FRMD4A: variants seen among roughly 807,000 people sequenced by gnomAD.
FRMD4A encodes FERM domain-containing protein 4A.
Under a neutral mutation model 129.1 loss-of-function variants are expected in FRMD4A, and 29 were observed. The observed-to-expected ratio is 0.22, with a 90% CI of 0.17 to 0.31. FRMD4A has a LOEUF of 0.31. Among genes scored for constraint, FRMD4A ranks in the 10% least tolerant of loss-of-function variants. The pLI is 1.00. For synonymous variants in FRMD4A, 634 were observed against 571.6 expected (o/e 1.11, Z -1.56); for missense variants, 1,272 against 1,375.8 (o/e 0.92, Z 1.19).
At chr10:13,884,168 T>TTA (rs2094584254) in intron 2 of FRMD4A, among the ~76,000 whole-genome samples, 45 of 67,476 alleles carry the variant, frequency 6.7e-4, no homozygotes, top group African/African-American at 2.6e-3. Context: ...ACACACACAC[T>TTA]CACACACTCA....
At chr10:14,223,526 G>A (rs1843330844) in intron 2 of FRMD4A, among the ~76,000 whole-genome samples, 1 of 152,094 alleles carries the variant, frequency 6.6e-6, no homozygotes, top group Non-Finnish European at 1.5e-5. Context: ...AGGATCACTT[G>A]AGCCAAGAGT....
intron 2 of FRMD4A, among the ~76,000 whole-genome samples, chr10:14,090,798 C>T (rs1836616988): frequency 6.6e-6 from 1 of 152,184 alleles, no homozygotes; most frequent in African/African-American, 2.4e-5. Flanking sequence ...AAGAGAAGTA[C>T]ACAAATGAAG....
At chr10:14,329,604 G>A (rs1288934582) in intron 2 of FRMD4A, among the ~76,000 whole-genome samples, 1 of 152,148 alleles carries the variant, frequency 6.6e-6, no homozygotes, top group Non-Finnish European at 1.5e-5. Context: ...ACCTCTACAG[G>A]AAAGTATGAG....
intron 2 of FRMD4A, among the ~76,000 whole-genome samples, chr10:13,914,363 T>G (rs969505367): frequency 6.6e-6 from 1 of 152,216 alleles, no homozygotes; most frequent in Non-Finnish European, 1.5e-5. Flanking sequence ...AATATGCTGA[T>G]GATGAGTACT....
At chr10:14,012,577 G>C (rs897318436) in intron 2 of FRMD4A, among the ~76,000 whole-genome samples, 1 of 152,168 alleles carries the variant, frequency 6.6e-6, no homozygotes, top group African/African-American at 2.4e-5. Flanking sequence ...CAGCAGGAGG[G>C]GGAAGAGTCT....
At chr10:14,137,959 T>C (rs1839631934) in intron 2 of FRMD4A, among the ~76,000 whole-genome samples, 1 of 152,206 alleles carries the variant, frequency 6.6e-6, no homozygotes, top group Admixed American at 6.5e-5. Context: ...AGAGCTGCTC[T>C]GCAATCACCC....
chr10:13,747,874 C>G (rs768820882), intron 8 of FRMD4A, 55 bp from the exon 9 acceptor site: 110 of 951,854 alleles, frequency 1.2e-4, no homozygotes, highest in Admixed American at 3.9e-4. Flanking sequence ...TAATCGCACT[C>G]TCTGATACCA....
At position 13,707,027 on chromosome 10, in the gene FRMD4A, T is replaced by C; in HGVS notation, c.836+10A>G. 6.7e-7 allele frequency: 1 copy of C among 1,490,178 alleles called. No individual in the cohort carries two copies. Among genetic ancestry groups the C allele is most frequent in the East Asian group, 2.3e-5 (1 of 44,228 alleles). The allele number at this position is 1,490,178 out of a possible 1,614,324, so 92.3% of individuals were successfully genotyped here. On this transcript the variant is annotated intron_variant, in intron 13 of 24. Transcript: ENST00000357447. ...CGCCATCCCGCAAGAAAAGGACTTT[T>C]CAAGCTTACCTGCGTGGGTCATGAA... is the stretch of plus-strand genomic sequence containing the variant.
chr10:13,659,867 C>CA (rs35841565), intron 20 of FRMD4A, among the ~76,000 whole-genome samples: 117,512 of 151,294 alleles, frequency 0.78, 46,312 homozygotes, highest in East Asian at 0.85. Flanking sequence ...CCTTCCCCCC[C>CA]AAAAAAAACC....
intron 2 of FRMD4A, among the ~76,000 whole-genome samples, chr10:13,896,999 A>G (rs918533979): frequency 1.3e-5 from 2 of 152,244 alleles, no homozygotes; most frequent in Non-Finnish European, 2.9e-5. Flanking sequence ...TTCAAGGAAC[A>G]AGAATTTGAA....
intron 3 of FRMD4A, among the ~76,000 whole-genome samples, chr10:13,841,735 C>T (rs962352166): frequency 2.6e-5 from 4 of 152,134 alleles, no homozygotes; most frequent in African/African-American, 9.7e-5. Flanking sequence ...TGGCTAGCCT[C>T]CTATATAATA....
intron 17 of FRMD4A, chr10:13,668,066 G>C (rs1460259700): frequency 6.6e-6 from 1 of 152,282 alleles, no homozygotes; most frequent in Non-Finnish European, 1.5e-5. Flanking sequence ...CCATCAAGGA[G>C]AAGTTCTTTG....
chr10:14,200,730 G>T (rs1251145747), intron 2 of FRMD4A, among the ~76,000 whole-genome samples: 2 of 152,208 alleles, frequency 1.3e-5, no homozygotes, highest in African/African-American at 4.8e-5. Flanking sequence ...CACTGTCCCA[G>T]TGGCAAGCTA....
intron 2 of FRMD4A, among the ~76,000 whole-genome samples, chr10:14,270,049 T>A (rs1342507641): frequency 6.6e-6 from 1 of 152,230 alleles, no homozygotes; most frequent in Admixed American, 6.5e-5. Flanking sequence ...ATGTCAGGAC[T>A]CCAGGTTTCC....
chr10:14,226,933 C>T (rs1589195893), intron 2 of FRMD4A, among the ~76,000 whole-genome samples: 1 of 152,270 alleles, frequency 6.6e-6, no homozygotes, highest in East Asian at 1.9e-4. Flanking sequence ...AAACACCTGA[C>T]ATTGCCCTTA....
intron 2 of FRMD4A, among the ~76,000 whole-genome samples, chr10:13,976,459 G>A (rs1031302303): frequency 5.9e-5 from 9 of 152,124 alleles, no homozygotes; most frequent in Non-Finnish European, 8.8e-5. Flanking sequence ...CCGTCCCACT[G>A]GTTAATCATC....
intron 2 of FRMD4A, among the ~76,000 whole-genome samples, chr10:14,243,945 A>G (rs1844145234): frequency 6.6e-6 from 1 of 152,120 alleles, no homozygotes; most frequent in Admixed American, 6.5e-5. Flanking sequence ...GATCATCAGT[A>G]TCTTCTTCTC....
intron 6 of FRMD4A, among the ~76,000 whole-genome samples, chr10:13,775,895 A>C (rs940974216): frequency 1.2e-5 from 1 of 85,638 alleles, no homozygotes; most frequent in Non-Finnish European, 2.9e-5. Context: ...GTATGTAGTA[A>C]CTAAATAAGT....
At chr10:13,928,772 C>T (rs2095162860) in intron 2 of FRMD4A, among the ~76,000 whole-genome samples, 1 of 152,188 alleles carries the variant, frequency 6.6e-6, no homozygotes, top group Admixed American at 6.5e-5. Context: ...GTGCTAGGGG[C>T]TGGCTGGGCC....
Sources: allele counts gnomAD v4.1 joint callset (sites outside exome capture counted in the v4.1 genomes callset), GRCh38; gene constraint gnomAD v4.1.1; transcripts MANE v1.5; gene names NCBI Gene and HGNC (gene_info 2026-07-23, HGNC 2026-07-21).